CDH11: variants seen among roughly 807,000 people sequenced by gnomAD.
CDH11 encodes cadherin-11.
In CDH11, 11 loss-of-function variants were observed where a neutral mutation model predicts 67.8. The ratio of observed to expected loss-of-function variants is 0.16; its 90% CI spans 0.10 to 0.27. CDH11 has a LOEUF of 0.27. CDH11 is among the 10% of genes least tolerant of loss of function. CDH11 has a pLI of 1.00. For synonymous variants in CDH11, 419 were observed against 400.0 expected (o/e 1.05, Z -0.57); for missense variants, 847 against 1,031.2 (o/e 0.82, Z 2.45).
intron 10 of CDH11, 57 bp from the exon 11 acceptor site, chr16:64,971,753 T>C: frequency 7.0e-7 from 1 of 1,436,248 alleles, no homozygotes; most frequent in Non-Finnish European, 9.7e-7. Flanking sequence ...CATCATTTAT[T>C]CAAAAATTTC....
At chr16:64,971,021 A>G (rs2142424704) in intron 11 of CDH11, among the ~76,000 whole-genome samples, 1 of 152,348 alleles carries the variant, frequency 6.6e-6, no homozygotes, top group Admixed American at 6.5e-5. Context: ...TTAACTAATG[A>G]AAGGGGAAGC....
chr16:65,089,546 T>C (rs888397324), intron 1 of CDH11, among the ~76,000 whole-genome samples: 3 of 152,044 alleles, frequency 2.0e-5, no homozygotes, highest in African/African-American at 4.8e-5. Flanking sequence ...CTTGCAGTGC[T>C]TAAAAAAAAA....
In CDH11 at chr16:64,998,681, G is replaced by T; in HGVS notation, c.404C>A (p.Thr135Asn). The change falls in exon 4 of 13, where the codon ACC (threonine) becomes AAC (asparagine). Residue 135 changes from threonine (T) to asparagine (N), a missense_variant. Physicochemically the swap from Thr to Asn is moderately conservative, Grantham distance 65. Transcript: ENST00000268603. ...TLMAQAVDRDTNRPLEPPSEF... is the reference protein window; with the variant it reads ...TLMAQAVDRDNNRPLEPPSEF... ...CGACGGTGGCTCCAGTGGCCGATTGGTGTCCCTGTCCACCGCCTGAGCCAT... is the reference window on the plus strand; with the variant it reads ...CGACGGTGGCTCCAGTGGCCGATTGTTGTCCCTGTCCACCGCCTGAGCCAT... 4 of 1,614,050 alleles carry T rather than the reference G, an allele frequency of 2.5e-6. No individual in the cohort carries two copies. The highest frequency in any genetic ancestry group is 1.1e-5 in the South Asian group (1 of 91,066).
At chr16:64,978,486 G>A (rs1200169593) in intron 8 of CDH11, among the ~76,000 whole-genome samples, 4 of 152,064 alleles carry the variant, frequency 2.6e-5, no homozygotes, top group Non-Finnish European at 5.9e-5. Context: ...ACAAAAATAG[G>A]TGGTGAGAAA....
At chr16:65,060,418 G>A (rs917806036) in intron 1 of CDH11, among the ~76,000 whole-genome samples, 2 of 151,918 alleles carry the variant, frequency 1.3e-5, no homozygotes, top group Non-Finnish European at 2.9e-5. Context: ...GAAGGAAAAT[G>A]AAAAGACTTT....
rs201664090 is a variant in CDH11, at chr16:64,988,172, C to T, written c.984G>A (p.Val328=). Residue 328 remains valine (V), a synonymous_variant, in exon 7 of 13, where the codon GTG becomes GTA. Transcript: ENST00000268603. The stretch of plus-strand genomic sequence containing the variant: ...CCTAACTCACCTTTTTCAGCTTTAT[C>T]ACCCCCTCCTGTGTTTCATAGTCCG... The part of the protein sequence containing the change: ...ITTDYETQEG[V]IKLKKPVDFE... The T allele has an allele frequency of 4.4e-6, 7 of 1,608,092 alleles. No homozygotes were observed. The East Asian group carries it at 1.6e-4, about 36-fold the overall frequency.
At chr16:64,965,819 AG>A (rs1391045488) in intron 11 of CDH11, among the ~76,000 whole-genome samples, 4 of 136,566 alleles carry the variant, frequency 2.9e-5, no homozygotes, top group African/African-American at 1.1e-4. Flanking sequence ...CACACACACA[AG>A]CTTATTTATA....
chr16:65,066,556 A>G (rs1289411898), intron 1 of CDH11, among the ~76,000 whole-genome samples: 1 of 152,238 alleles, frequency 6.6e-6, no homozygotes, highest in Admixed American at 6.5e-5. Flanking sequence ...TAAAACGTTA[A>G]TAAAACAGAG....
Position 64,945,746 on chromosome 16 carries a change from A to G in CDH11, c.*1857T>C. 2.9e-6 allele frequency: 3 copies of G among 1,043,254 alleles called. No individual in the cohort carries two copies. The highest frequency in any genetic ancestry group is 3.5e-6 in the Non-Finnish European group (3 of 865,268). The allele number at this position is 1,043,254 out of a possible 1,614,324, so 64.6% of individuals were successfully genotyped here. A position where few individuals can be genotyped will look rare whatever the true frequency, so the allele number is the denominator to read the frequency against. On this transcript the variant is annotated 3_prime_UTR_variant, in exon 13 of 13. Transcript: ENST00000268603. ...AAAGTAAAATGGAAGTGAGCACTTC[A>G]TAAAAAACATTTCTTTGTATGCATG...
intron 1 of CDH11, among the ~76,000 whole-genome samples, chr16:65,077,567 A>T (rs748942552): frequency 1.3e-5 from 2 of 152,262 alleles, no homozygotes; most frequent in African/African-American, 2.4e-5. Flanking sequence ...GCTGCATCAC[A>T]TCTCACCTGC....
intron 2 of CDH11, among the ~76,000 whole-genome samples, chr16:65,033,651 C>T (rs1005425639): frequency 9.3e-5 from 14 of 150,254 alleles, no homozygotes; most frequent in African/African-American, 3.3e-4. Flanking sequence ...GCAGGAGAAC[C>T]GCTTGAAACC....
At chr16:65,029,612 A>T (rs746191424) in intron 2 of CDH11, among the ~76,000 whole-genome samples, 33 of 152,252 alleles carry the variant, frequency 2.2e-4, no homozygotes, top group Non-Finnish European at 4.6e-4. Flanking sequence ...TTCATTTATA[A>T]CTTGCTAAAG....
At chr16:64,968,281 C>T in intron 11 of CDH11, 2 of 275,526 alleles carry the variant, frequency 7.3e-6, no homozygotes, top group Non-Finnish European at 1.1e-5. Context: ...GAAACAATGA[C>T]ATGAGAAGGT....
chr16:65,107,773 G>A (rs1220766528), intron 1 of CDH11, among the ~76,000 whole-genome samples: 1 of 152,174 alleles, frequency 6.6e-6, no homozygotes. Flanking sequence ...GCTGAGAAGT[G>A]ATGGTTAGAA....
intron 2 of CDH11, among the ~76,000 whole-genome samples, chr16:65,050,655 C>T (rs1419239008): frequency 6.6e-6 from 1 of 152,138 alleles, no homozygotes; most frequent in African/African-American, 2.4e-5. Context: ...AAGGATTGTT[C>T]CATCTGCATT....
intron 1 of CDH11, among the ~76,000 whole-genome samples, chr16:65,112,412 A>AGG (rs2075176521): frequency 6.6e-6 from 1 of 152,170 alleles, no homozygotes; most frequent in African/African-American, 2.4e-5. Flanking sequence ...ATTGATCACT[A>AGG]AACTGGATGT....
At chr16:65,015,015 TTTATTATTATTA>T (rs71143548) in intron 2 of CDH11, among the ~76,000 whole-genome samples, 19 of 135,862 alleles carry the variant, frequency 1.4e-4, no homozygotes, top group Middle Eastern at 3.8e-3. Context: ...GCCTGGCTAA[TTTATTATTATTA>T]TTATTATTAT....
In CDH11 at chr16:64,954,999, C is replaced by A. The variant is rs182180399; in HGVS notation, c.1643-3981G>T. Among the ~76,000 whole-genome samples the A allele has an allele frequency of 1.3e-4, 20 of 151,140 alleles. No homozygotes were observed. In the East Asian group the frequency reaches 3.3e-3, roughly 25 times the overall value. On this transcript the variant is annotated intron_variant, in intron 11 of 12. Coordinates refer to ENST00000268603, the MANE Select transcript of CDH11 (RefSeq NM_001797.4). ...CAGTGGCTTACGCCTGTAATCCCAG[C>A]ACTTTGGGAGGCCGAGGCAGGCGGA...
In CDH11 at chr16:65,079,205, A is replaced by G. The variant is rs562359597; in HGVS notation, c.-297-25277T>C. ...CAATCTAAGTAGTGACTACTAGTAG[A>G]CAGATGGGACGGAACACTTGCTACA... On this transcript the variant is annotated intron_variant, in intron 1 of 12. Coordinates refer to ENST00000268603, the MANE Select transcript of CDH11 (RefSeq NM_001797.4). Among the ~76,000 whole-genome samples, 6 of 152,316 alleles carry G rather than the reference A, an allele frequency of 3.9e-5. No individual in the cohort carries two copies. The Middle Eastern group carries it at 0.014, about 348-fold the overall frequency.
Sources: allele counts gnomAD v4.1 joint callset (sites outside exome capture counted in the v4.1 genomes callset), GRCh38; gene constraint gnomAD v4.1.1; transcripts MANE v1.5; gene names NCBI Gene and HGNC (gene_info 2026-07-23, HGNC 2026-07-21).